Variants in CDH11 observed in about 807,000 individuals in gnomAD.
The protein encoded by CDH11 is cadherin-11.
A neutral mutation model predicts 67.8 loss-of-function variants in CDH11; 11 were observed. That is an observed-to-expected ratio of 0.16 (90% CI 0.10 to 0.27). The LOEUF (loss-of-function observed/expected upper bound fraction) is 0.27. Among genes scored for constraint, CDH11 ranks in the 10% least tolerant of loss-of-function variants. CDH11 has a pLI of 1.00. For missense variants in CDH11, 847 were observed against 1,031.2 expected (o/e 0.82, Z 2.45); for synonymous variants, 419 against 400.0 (o/e 1.05, Z -0.57).
chr16:65,033,736 C>CTAAAATAAAATAAAA (rs59225853), intron 2 of CDH11, among the ~76,000 whole-genome samples: 33,030 of 141,188 alleles, frequency 0.23, 4,452 homozygotes, highest in East Asian at 0.3. Flanking sequence ...GACTCCATCT[C>CTAAAATAAAATAAAA]TAAAATAAAA....
chr16:65,020,377 T>C (rs1382140329), intron 2 of CDH11, among the ~76,000 whole-genome samples: 2 of 152,240 alleles, frequency 1.3e-5, no homozygotes, highest in African/African-American at 2.4e-5. Context: ...TTGCCCAGGC[T>C]GAAGTGCAGT....
At chr16:65,110,155 G>A (rs939483980) in intron 1 of CDH11, among the ~76,000 whole-genome samples, 1 of 152,128 alleles carries the variant, frequency 6.6e-6, no homozygotes, top group Admixed American at 6.5e-5. Flanking sequence ...ATAGGCATGA[G>A]TCATTGCACC....
rs1390458629 is a variant in CDH11 at position 64,943,903 on chromosome 16, A to T, written c.*3700T>A. The stretch of plus-strand genomic sequence containing the variant: ...GGGGCAGTCAGTCCCACCCACCCAC[A>T]CACATACATAAAGCCAAAAAGCAAA... On this transcript the variant is annotated 3_prime_UTR_variant, in exon 13 of 13. Transcript: ENST00000268603. 1 of 229,544 alleles carries T rather than the reference A, an allele frequency of 4.4e-6. No individual in the cohort carries two copies. The highest frequency in any genetic ancestry group is 2.2e-5 in the African/African-American group (1 of 45,140). The allele number at this position is 229,544 out of a possible 1,614,324, so 14.2% of individuals were successfully genotyped here. A position where few individuals can be genotyped will look rare whatever the true frequency, so the allele number is the denominator to read the frequency against.
intron 1 of CDH11, among the ~76,000 whole-genome samples, chr16:65,106,960 G>T (rs181646037): frequency 6.6e-6 from 1 of 151,794 alleles, no homozygotes; most frequent in African/African-American, 2.4e-5. Flanking sequence ...CATGGGAAAA[G>T]GTTTCTGGAT....
intron 1 of CDH11, among the ~76,000 whole-genome samples, chr16:65,066,850 C>T (rs1480455073): frequency 2.0e-5 from 3 of 152,244 alleles, no homozygotes; most frequent in Non-Finnish European, 4.4e-5. Context: ...GAATCATCTG[C>T]ATTTGCTGCA....
intron 1 of CDH11, among the ~76,000 whole-genome samples, chr16:65,097,057 T>A (rs72792925): frequency 6.6e-6 from 1 of 152,324 alleles, no homozygotes; most frequent in Non-Finnish European, 1.5e-5. Flanking sequence ...GGATAATATC[T>A]TTTAAAGCCT....
At chr16:65,071,137 C>T (rs1255023718) in intron 1 of CDH11, among the ~76,000 whole-genome samples, 2 of 152,146 alleles carry the variant, frequency 1.3e-5, no homozygotes, top group Non-Finnish European at 2.9e-5. Flanking sequence ...GCTGACACCT[C>T]GAGCAGAAAA....
At chr16:64,971,041 A>G (rs1042731326) in intron 11 of CDH11, among the ~76,000 whole-genome samples, 3 of 152,242 alleles carry the variant, frequency 2.0e-5, no homozygotes, top group Non-Finnish European at 4.4e-5. Flanking sequence ...CAGAAATAGT[A>G]TTAAATTTTG....
At chr16:65,009,011 G>C (rs1323500970) in intron 2 of CDH11, among the ~76,000 whole-genome samples, 1 of 152,004 alleles carries the variant, frequency 6.6e-6, no homozygotes, top group African/African-American at 2.4e-5. Context: ...GTAGTCTGAG[G>C]CACATCAAAA....
At chr16:65,047,965 T>G (rs960335235) in intron 2 of CDH11, among the ~76,000 whole-genome samples, 1 of 152,178 alleles carries the variant, frequency 6.6e-6, no homozygotes, top group Non-Finnish European at 1.5e-5. Context: ...TAAAAGGAAC[T>G]CTGTACCATG....
chr16:65,049,980 G>A (rs887607664), intron 2 of CDH11, among the ~76,000 whole-genome samples: 2 of 152,138 alleles, frequency 1.3e-5, no homozygotes, highest in Non-Finnish European at 2.9e-5. Flanking sequence ...GCACAGGTGA[G>A]CTGCCCCAGA....
At chr16:64,998,928 G>T in intron 3 of CDH11, 72 bp from the exon 4 acceptor site, 1 of 1,222,166 alleles carries the variant, frequency 8.2e-7, no homozygotes, top group Non-Finnish European at 1.2e-6. Context: ...ACAAGTGATT[G>T]CAACAATCTG....
chr16:64,963,110 T>C (rs257341), intron 11 of CDH11, among the ~76,000 whole-genome samples: 39,594 of 152,130 alleles, frequency 0.26, 5,987 homozygotes, highest in Middle Eastern at 0.36. Flanking sequence ...AGAGAAAATA[T>C]CAAAACCAGG....
At chr16:65,092,828 T>C (rs1393572221) in intron 1 of CDH11, among the ~76,000 whole-genome samples, 1 of 148,212 alleles carries the variant, frequency 6.7e-6, no homozygotes. Flanking sequence ...AAAGGAAAAA[T>C]AAATAATAAA....
At chr16:64,984,013 T>C (rs1213093310) in intron 7 of CDH11, among the ~76,000 whole-genome samples, 9 of 152,296 alleles carry the variant, frequency 5.9e-5, no homozygotes, top group African/African-American at 1.9e-4. Flanking sequence ...GTGTTGAGGA[T>C]AATATCCTCA....
At chr16:65,054,664 T>C (rs1300722778) in intron 1 of CDH11, among the ~76,000 whole-genome samples, 51 of 152,138 alleles carry the variant, frequency 3.4e-4, no homozygotes, top group Admixed American at 3.3e-3. Flanking sequence ...ATATGGAGTG[T>C]CTAAACAGCT....
intron 1 of CDH11, among the ~76,000 whole-genome samples, chr16:65,100,929 C>T (rs1334149460): frequency 6.6e-6 from 1 of 152,034 alleles, no homozygotes; most frequent in Non-Finnish European, 1.5e-5. Flanking sequence ...ATAGCTAACA[C>T]CTCTTATCAA....
chr16:64,948,302 T>C lies in CDH11; in HGVS notation c.1895-203A>G, dbSNP rs564661223. ...GGCTCTTCCTCTACAAATGCTGCCA[T>C]GAAAACATTACACCCAACAACTTGG... On this transcript the variant is annotated intron_variant, in intron 12 of 12. Coordinates refer to ENST00000268603, the MANE Select transcript of CDH11 (RefSeq NM_001797.4). 7.9e-5 allele frequency among the ~76,000 whole-genome samples: 12 copies of C among 152,318 alleles called. No homozygotes were observed. In the East Asian group the frequency reaches 2.3e-3, roughly 29 times the overall value.
At chr16:65,009,637 A>G (rs888887893) in intron 2 of CDH11, among the ~76,000 whole-genome samples, 1 of 152,194 alleles carries the variant, frequency 6.6e-6, no homozygotes. Flanking sequence ...TCAATGTTCT[A>G]ATTGGTTTTA....
Sources: allele counts gnomAD v4.1 joint callset (sites outside exome capture counted in the v4.1 genomes callset), GRCh38; gene constraint gnomAD v4.1.1; transcripts MANE v1.5; gene names NCBI Gene and HGNC (gene_info 2026-07-23, HGNC 2026-07-21).